CASC3: variants seen among roughly 807,000 people sequenced by gnomAD.
CASC3 encodes protein CASC3.
Under a neutral mutation model 80.5 loss-of-function variants are expected in CASC3, and 30 were observed. The ratio of observed to expected loss-of-function variants is 0.37; its 90% CI spans 0.28 to 0.51. The LOEUF (loss-of-function observed/expected upper bound fraction) is 0.51, where lower values mean the gene tolerates loss of function less well. Ranked by LOEUF, CASC3 falls within the 20% of genes least tolerant of loss-of-function variation. CASC3 has a pLI of 0.94. For missense variants in CASC3, 824 were observed against 922.2 expected, an observed-to-expected ratio of 0.89 and a Z score of 1.38; for synonymous variants, 312 against 333.6, an observed-to-expected ratio of 0.94 and a Z score of 0.70.
intron 3 of CASC3, among the ~76,000 whole-genome samples, chr17:40,154,597 C>G (rs1567679558): frequency 6.6e-6 from 1 of 151,780 alleles, no homozygotes; most frequent in East Asian, 1.9e-4. Context: ...GATGTAAGTC[C>G]CTTATCAGAT....
At chr17:40,160,973 C>A (rs148890730) in intron 3 of CASC3, among the ~76,000 whole-genome samples, 1 of 151,412 alleles carries the variant, frequency 6.6e-6, no homozygotes, top group African/African-American at 2.4e-5. Flanking sequence ...AAAATAGTGT[C>A]TTTTTTTTAT....
At chr17:40,165,553 C>T (rs528153283) in intron 7 of CASC3, among the ~76,000 whole-genome samples, 24 of 152,140 alleles carry the variant, frequency 1.6e-4, no homozygotes, top group South Asian at 1.0e-3. Context: ...AAGAAGACAA[C>T]GTTATTATTT....
rs143077699 is a variant in CASC3 at position 40,163,662 on chromosome 17, C to T, written c.967C>T (p.Arg323Cys). 336 of 1,613,948 alleles carry T rather than the reference C, an allele frequency of 2.1e-4. 1 individual carries two copies. The highest frequency in any genetic ancestry group is 2.7e-4 in the African/African-American group (20 of 74,878). ...YSRSGGFKEG[R>C]AGFRPVEAGG... Reference sequence around the variant, plus strand: ...TCGATCTGGGGGCTTCAAGGAAGGTCGTGCTGGTTTTAGGCCTGTGGAAGC... The same window carrying T: ...TCGATCTGGGGGCTTCAAGGAAGGTTGTGCTGGTTTTAGGCCTGTGGAAGC... The change falls in exon 7 of 14, where the codon CGT becomes TGT. Residue 323 changes from arginine to cysteine, a missense_variant. This residue lies in a region of CASC3 where 464 missense variants were observed against 506.0 expected (regional missense o/e 0.92). Transcript: ENST00000264645.
rs1989566589 is a variant in CASC3 at position 40,170,493 on chromosome 17, C to T, written c.*88C>T. 16 of 985,468 alleles carry T rather than the reference C, an allele frequency of 1.6e-5. No individual in the cohort carries two copies. Among genetic ancestry groups the T allele is most frequent in the Non-Finnish European group, 1.9e-5 (16 of 829,968 alleles). 61.0% of individuals were successfully genotyped at this position (985,468 alleles called of 1,614,324 possible). On this transcript the variant is annotated 3_prime_UTR_variant, in exon 14 of 14. Coordinates refer to ENST00000264645, the MANE Select transcript of CASC3 (RefSeq NM_007359.5). The stretch of plus-strand genomic sequence containing the variant: ...GAAGAGAAATACAGCTGGCTATCTA[C>T]TACCAGAAGGGCTTCAAAGATATAG...
intron 3 of CASC3, among the ~76,000 whole-genome samples, chr17:40,155,197 TC>T (rs1274688518): frequency 5.9e-5 from 9 of 151,898 alleles, no homozygotes; most frequent in Non-Finnish European, 1.2e-4. Context: ...CCAACTTCAT[TC>T]TTTTGCACGT....
At chr17:40,153,317 A>G (rs1307977668) in intron 3 of CASC3, among the ~76,000 whole-genome samples, 3 of 152,178 alleles carry the variant, frequency 2.0e-5, no homozygotes, top group East Asian at 1.9e-4. Flanking sequence ...ACAAATGTCA[A>G]AATTTTTTTT....
At chr17:40,156,702 T>A (rs1598426097) in intron 3 of CASC3, among the ~76,000 whole-genome samples, 1 of 151,078 alleles carries the variant, frequency 6.6e-6, no homozygotes, top group East Asian at 2.0e-4. Context: ...AAAAAAAAAT[T>A]AAAAAAATAA....
chr17:40,163,679 T>A lies in CASC3; in HGVS notation c.984T>A (p.Pro328=), dbSNP rs138442252. 99 of 1,614,042 alleles carry A rather than the reference T, an allele frequency of 6.1e-5. 2 individuals carry two copies. Among genetic ancestry groups the A allele is most frequent in the East Asian group, 3.6e-4 (16 of 44,898 alleles). The change falls in exon 7 of 14, where the codon CCT becomes CCA. Residue 328 remains proline (P), a synonymous_variant. Transcript: ENST00000264645. The part of the protein sequence containing the change: ...GFKEGRAGFR[P]VEAGGQHGGR... The stretch of plus-strand genomic sequence containing the variant: ...AGGAAGGTCGTGCTGGTTTTAGGCC[T>A]GTGGAAGCTGGTGGGCAGCATGGTG...
chr17:40,154,445 G>T (rs543734171), intron 3 of CASC3, among the ~76,000 whole-genome samples: 16 of 151,926 alleles, frequency 1.1e-4, no homozygotes, highest in African/African-American at 3.9e-4. Context: ...TGTTGGCCAG[G>T]CTGGTCTTGA....
intron 2 of CASC3, 81 bp downstream of exon 2, chr17:40,141,315 C>T: frequency 7.6e-7 from 1 of 1,307,194 alleles, no homozygotes; most frequent in South Asian, 1.2e-5. Flanking sequence ...CATCGACATT[C>T]TCACACACTG....
chr17:40,160,664 G>A (rs1216551284), intron 3 of CASC3, among the ~76,000 whole-genome samples: 1 of 152,052 alleles, frequency 6.6e-6, no homozygotes, highest in Non-Finnish European at 1.5e-5. Flanking sequence ...TCGAGATGGA[G>A]TTTTGCTTTT....
At chr17:40,140,933 G>A in intron 1 of CASC3, 154 bp downstream of exon 1, 1 of 665,024 alleles carries the variant, frequency 1.5e-6, no homozygotes, top group Non-Finnish European at 2.5e-6. Flanking sequence ...ATGCGAGTTT[G>A]CATCCGGAGT....
chr17:40,168,129 T>C, intron 10 of CASC3, 74 bp from the exon 11 acceptor site: 1 of 1,412,204 alleles, frequency 7.1e-7, no homozygotes, highest in South Asian at 1.2e-5. Context: ...CTGATTATAC[T>C]GAGCAGTCCA....
intron 3 of CASC3, among the ~76,000 whole-genome samples, chr17:40,145,118 C>T (rs985840325): frequency 6.6e-6 from 1 of 151,886 alleles, no homozygotes; most frequent in African/African-American, 2.4e-5. Context: ...ACCTCGGCCT[C>T]CCAAGGTGCT....
At chr17:40,167,801 C>T in intron 9 of CASC3, 49 bp from the exon 10 acceptor site, 1 of 1,505,458 alleles carries the variant, frequency 6.6e-7, no homozygotes. Flanking sequence ...GGAGACTTGT[C>T]CATGTGAAGA....
chr17:40,162,992 A>G, intron 6 of CASC3, 91 bp downstream of exon 6: 1 of 1,131,834 alleles, frequency 8.8e-7, no homozygotes, highest in Non-Finnish European at 1.3e-6. Context: ...AGGCTGAGGC[A>G]GGAGGATTGC....
chr17:40,143,705 C>A (rs1988780838), intron 3 of CASC3, among the ~76,000 whole-genome samples: 1 of 151,976 alleles, frequency 6.6e-6, no homozygotes, highest in African/African-American at 2.4e-5. Context: ...TTGCACGCCC[C>A]TGTAGTCCCA....
chr17:40,167,781 T>C, intron 9 of CASC3, 69 bp from the exon 10 acceptor site: 1 of 1,434,080 alleles, frequency 7.0e-7, no homozygotes, highest in Non-Finnish European at 9.8e-7. Context: ...TTAAAGGGCT[T>C]GGGGAACAAG....
chr17:40,157,916 A>G (rs1026639190), intron 3 of CASC3, among the ~76,000 whole-genome samples: 2 of 152,194 alleles, frequency 1.3e-5, no homozygotes, highest in Non-Finnish European at 2.9e-5. Context: ...AAGGAAACAT[A>G]CTATTCAGTG....
Sources: gnomAD v4.1 joint callset for allele counts (sites outside exome capture counted in the v4.1 genomes callset) on GRCh38, gnomAD v4.1.1 for gene constraint, gnomAD v4.1.1 regional missense constraint, MANE v1.5 for transcripts, NCBI Gene and HGNC (gene_info 2026-07-23, HGNC 2026-07-21) for gene names.